The following NFIB variants were observed in gnomAD, a reference collection of about 807,000 sequenced individuals.
NFIB encodes nuclear factor I B.
NFIB carries 11 observed loss-of-function variants against 61.5 expected under a neutral mutation model. The ratio of observed to expected loss-of-function variants is 0.18; its 90% confidence interval spans 0.11 to 0.30. The LOEUF (loss-of-function observed/expected upper bound fraction) is 0.30, where lower values mean the gene tolerates loss of function less well. NFIB is among the 10% of genes least tolerant of loss of function. NFIB has a pLI of 1.00. For missense variants in NFIB, 471 were observed against 608.9 expected, an observed-to-expected ratio of 0.77 and a Z score of 2.38; for synonymous variants, 260 against 216.5, an observed-to-expected ratio of 1.20 and a Z score of -1.76.
In NFIB at chr9:14,083,503, T is replaced by G. The variant is rs1435506823; in HGVS notation, c.*4806A>C. 1 of 210,730 alleles carries G rather than the reference T, an allele frequency of 4.7e-6. No homozygotes were observed. The highest frequency in any genetic ancestry group is 6.7e-5 in the East Asian group (1 of 14,826). 13.1% of individuals were successfully genotyped at this position (210,730 alleles called of 1,614,324 possible). A position where few individuals can be genotyped will look rare whatever the true frequency, so the allele number is the denominator to read the frequency against. On this transcript the variant is annotated 3_prime_UTR_variant, in exon 11 of 11. Transcript: ENST00000380953. ...TTAAAAAAAAAAAAAAAAAAAAAGT[T>G]TTCTATAGAAACCCAATTTCTTAAA... is the stretch of plus-strand genomic sequence containing the variant.
At chr9:14,478,446 T>C in the NFIB span, among the ~76,000 whole-genome samples, 1 of 152,170 alleles carries the variant, frequency 6.6e-6, no homozygotes, top group Non-Finnish European at 1.5e-5. Flanking sequence ...TCTCCAAACA[T>C]ATTAAAGTAC....
At chr9:14,287,222 G>C (rs1391003482) in intron 2 of NFIB, among the ~76,000 whole-genome samples, 2 of 151,144 alleles carry the variant, frequency 1.3e-5, no homozygotes, top group African/African-American at 4.9e-5. Context: ...ACGAGGTCAG[G>C]AGATCGAGAC....
intron 1 of NFIB, among the ~76,000 whole-genome samples, chr9:14,382,098 G>A (rs2133004098): frequency 6.6e-6 from 1 of 152,252 alleles, no homozygotes; most frequent in Non-Finnish European, 1.5e-5. Flanking sequence ...AAAATCTAAG[G>A]TCCCTGAGGG....
the NFIB span, among the ~76,000 whole-genome samples, chr9:14,480,810 G>C: frequency 6.6e-6 from 1 of 152,238 alleles, no homozygotes; most frequent in East Asian, 1.9e-4. Context: ...AATCTGTTTT[G>C]TAGACATCCT....
intron 10 of NFIB, among the ~76,000 whole-genome samples, chr9:14,109,362 A>C (rs1753561766): frequency 6.6e-6 from 1 of 152,020 alleles, no homozygotes; most frequent in Non-Finnish European, 1.5e-5. Context: ...TGAGAGAGAA[A>C]AGGATATACT....
Position 14,120,108 on chromosome 9 carries a change from GTC to G in NFIB, c.1245+330_1245+331del, listed in dbSNP as rs1362256722. Among the ~76,000 whole-genome samples the G allele has an allele frequency of 6.6e-6, 1 of 152,258 alleles. No homozygotes were observed. The highest frequency in any genetic ancestry group is 1.9e-4 in the East Asian group (1 of 5,176). ...TACTCCTGCCTGAAATAAGCACATT[GTC>G]TCTGTGTCAAACCAGGTATTTAAGA... On this transcript the variant is annotated intron_variant, in intron 8 of 10. Transcript: ENST00000380953. The surrounding 1 kb of genome is among the most constrained non-coding windows in gnomAD (Gnocchi z 4.4).
chr9:14,429,878 A>G, the NFIB span, among the ~76,000 whole-genome samples: 1 of 152,234 alleles, frequency 6.6e-6, no homozygotes, highest in Non-Finnish European at 1.5e-5. Context: ...TTATTGGAAA[A>G]AAACCACTTA....
At chr9:14,092,241 G>C (rs184941021) in intron 10 of NFIB, among the ~76,000 whole-genome samples, 2 of 152,234 alleles carry the variant, frequency 1.3e-5, no homozygotes, top group Admixed American at 1.3e-4. Flanking sequence ...ATGTGGAAAG[G>C]AATGTAGACC....
At chr9:14,476,216 T>A in the NFIB span, among the ~76,000 whole-genome samples, 1 of 149,862 alleles carries the variant, frequency 6.7e-6, no homozygotes, top group Admixed American at 6.7e-5. Flanking sequence ...AAAGATAAGG[T>A]CGATTTCCTA....
chr9:14,225,373 C>T (rs1206598061), intron 2 of NFIB, among the ~76,000 whole-genome samples: 5 of 142,774 alleles, frequency 3.5e-5, no homozygotes, highest in African/African-American at 1.0e-4. Context: ...AGGAGAATGG[C>T]GTGAACCCGG....
chr9:14,205,219 G>GGA (rs2049513743), intron 2 of NFIB, among the ~76,000 whole-genome samples: 1 of 1,284 alleles, frequency 7.8e-4, no homozygotes, highest in Non-Finnish European at 1.5e-3. Context: ...AAGGAAGGGA[G>GGA]GGGAGGGGAG....
intron 10 of NFIB, among the ~76,000 whole-genome samples, chr9:14,100,273 C>T (rs775549249): frequency 6.6e-6 from 1 of 152,126 alleles, no homozygotes; most frequent in African/African-American, 2.4e-5. Flanking sequence ...ATCAATTTTT[C>T]ACCAGGAAGG....
the NFIB span, among the ~76,000 whole-genome samples, chr9:14,407,658 T>G: frequency 6.6e-6 from 1 of 152,176 alleles, no homozygotes; most frequent in South Asian, 2.1e-4. Context: ...GCCTGTGGTG[T>G]AAGTTTGTCT....
chr9:14,352,235 G>A (rs554566516), intron 1 of NFIB, among the ~76,000 whole-genome samples: 1 of 150,474 alleles, frequency 6.6e-6, no homozygotes, highest in African/African-American at 2.5e-5. Context: ...ACCCTGCTCC[G>A]TCTCCTGGAA....
chr9:14,510,550 TA>T, the NFIB span, among the ~76,000 whole-genome samples: 7 of 152,252 alleles, frequency 4.6e-5, no homozygotes, highest in Non-Finnish European at 1.0e-4. Context: ...TAACATATTA[TA>T]ACTGCAGTGG....
chr9:14,485,497 T>G, the NFIB span, among the ~76,000 whole-genome samples: 1 of 152,366 alleles, frequency 6.6e-6, no homozygotes, highest in African/African-American at 2.4e-5. Context: ...AGTAGTTGTG[T>G]TGGCATCTAC....
chr9:14,398,422 A>T, intron 1 of NFIB: 2 of 810,598 alleles, frequency 2.5e-6, no homozygotes, highest in Non-Finnish European at 3.8e-6. Context: ...GACCTTCTCT[A>T]GAGCAGCCAT....
the NFIB span, among the ~76,000 whole-genome samples, chr9:14,490,662 G>A: frequency 1.3e-5 from 2 of 152,278 alleles, no homozygotes; most frequent in South Asian, 2.1e-4. Flanking sequence ...TTTCACAGCA[G>A]AGACAATGTG....
chr9:14,358,928 C>A (rs1180048282), intron 1 of NFIB, among the ~76,000 whole-genome samples: 1 of 152,196 alleles, frequency 6.6e-6, no homozygotes, highest in Non-Finnish European at 1.5e-5. Context: ...ACTTCCTAAT[C>A]ATTTGACTGC....
Sources: allele counts gnomAD v4.1 joint callset (sites outside exome capture counted in the v4.1 genomes callset), GRCh38; gene constraint gnomAD v4.1.1; non-coding constraint Gnocchi (gnomAD v3.1); transcripts MANE v1.5; gene names NCBI Gene and HGNC (gene_info 2026-07-23, HGNC 2026-07-21).